The following ADGRB3 variants were observed in gnomAD, a reference collection of about 807,000 sequenced individuals.
ADGRB3 encodes the protein brain-specific angiogenesis inhibitor 3.
In ADGRB3, 37 loss-of-function variants were observed where a neutral mutation model predicts 193.4. The ratio of observed to expected loss-of-function variants is 0.19; its 90% CI spans 0.15 to 0.25. The LOEUF is 0.25. Among genes scored for constraint, ADGRB3 ranks in the 10% least tolerant of loss-of-function variants. The pLI is 1.00. For synonymous variants in ADGRB3, 690 were observed against 644.2 expected, an observed-to-expected ratio of 1.07 and a Z score of -1.08; for missense variants, 1,637 against 1,852.9, an observed-to-expected ratio of 0.88 and a Z score of 2.14.
At chr6:68,947,698 C>T (rs1767810004) in intron 6 of ADGRB3, among the ~76,000 whole-genome samples, 1 of 151,982 alleles carries the variant, frequency 6.6e-6, no homozygotes, top group African/African-American at 2.4e-5. Context: ...AAAATGGGGA[C>T]AATAGTAATA....
chr6:68,729,446 G>A (rs1396564181), intron 3 of ADGRB3, among the ~76,000 whole-genome samples: 1 of 151,626 alleles, frequency 6.6e-6, no homozygotes, highest in Non-Finnish European at 1.5e-5. Context: ...TTGCTGGAGA[G>A]CTTGATGAAT....
chr6:68,862,617 GCTAAGTTT>G, intron 3 of ADGRB3, among the ~76,000 whole-genome samples: 1 of 152,258 alleles, frequency 6.6e-6, no homozygotes, highest in African/African-American at 2.4e-5. Context: ...AATGTCCTTA[GCTAAGTTT>G]ACTTAGTTTT....
chr6:69,386,276 C>T (rs1770067885), intron 31 of ADGRB3, among the ~76,000 whole-genome samples: 2 of 152,160 alleles, frequency 1.3e-5, no homozygotes, highest in Admixed American at 1.3e-4. Flanking sequence ...CATATCTGTT[C>T]CAAACATAAT....
rs574558007 is a variant in ADGRB3, at chr6:68,808,426, C to CT, written c.758-122119dup. On this transcript the variant is annotated intron_variant, in intron 3 of 31. Transcript: ENST00000370598. ...AAAAGCAAACCTCACTTTTCAAGAC[C>CT]TTTTTTTTTTTTTTGCTACCTCTAA... Among the ~76,000 whole-genome samples, 821 of 139,754 alleles carry CT rather than the reference C, an allele frequency of 5.9e-3. 3 individuals carry two copies. Among genetic ancestry groups the CT allele is most frequent in the Non-Finnish European group, 8.9e-3 (567 of 63,574 alleles). 91.7% of individuals were successfully genotyped at this position (139,754 alleles called of 152,430 possible). A position where few individuals can be genotyped will look rare whatever the true frequency, so the allele number is the denominator to read the frequency against.
At chr6:69,269,811 T>A (rs950588756) in intron 20 of ADGRB3, among the ~76,000 whole-genome samples, 2 of 152,186 alleles carry the variant, frequency 1.3e-5, no homozygotes, top group African/African-American at 2.4e-5. Flanking sequence ...TCCTGTATCA[T>A]AATTTCCTTT....
intron 17 of ADGRB3, among the ~76,000 whole-genome samples, chr6:69,138,267 T>C (rs908714492): frequency 6.6e-6 from 1 of 152,166 alleles, no homozygotes; most frequent in Non-Finnish European, 1.5e-5. Flanking sequence ...CAGAAAAATG[T>C]TGTAGGAAGA....
At chr6:69,220,526 G>A (rs554146791) in intron 17 of ADGRB3, among the ~76,000 whole-genome samples, 1 of 152,196 alleles carries the variant, frequency 6.6e-6, no homozygotes, top group South Asian at 2.1e-4. Context: ...CCTAACAAAG[G>A]AGAGAGCAGT....
At chr6:68,946,959 C>A (rs905447015) in intron 6 of ADGRB3, among the ~76,000 whole-genome samples, 1 of 152,076 alleles carries the variant, frequency 6.6e-6, no homozygotes, top group African/African-American at 2.4e-5. Flanking sequence ...AGTCAATGCA[C>A]AACTTCCTCC....
intron 3 of ADGRB3, among the ~76,000 whole-genome samples, chr6:68,760,824 A>G (rs759523248): frequency 2.0e-5 from 3 of 152,242 alleles, no homozygotes; most frequent in African/African-American, 7.2e-5. Flanking sequence ...ACAGGACACT[A>G]TAATAGCAGC....
chr6:69,050,157 T>A (rs1287348107), intron 15 of ADGRB3, among the ~76,000 whole-genome samples: 1 of 152,198 alleles, frequency 6.6e-6, no homozygotes, highest in African/African-American at 2.4e-5. Flanking sequence ...ATATAAATGA[T>A]GTGTGCAGTT....
intron 17 of ADGRB3, among the ~76,000 whole-genome samples, chr6:69,081,967 C>T (rs1012346910): frequency 6.6e-6 from 1 of 152,068 alleles, no homozygotes; most frequent in South Asian, 2.1e-4. Context: ...GTAATTCTCA[C>T]CTTGTCCATC....
At chr6:69,231,632 GTTTAATACTGTTGCAGTTGATAATATAAC>G (rs1222186488) in intron 17 of ADGRB3, among the ~76,000 whole-genome samples, 4 of 152,134 alleles carry the variant, frequency 2.6e-5, no homozygotes, top group Non-Finnish European at 5.9e-5. Flanking sequence ...GAGAATTGGA[GTTTAATACTGTTGCAGTTGATAATATAAC>G]TGCTTTTTTA....
chr6:68,948,648 T>C (rs1767837210), intron 6 of ADGRB3, among the ~76,000 whole-genome samples: 1 of 152,126 alleles, frequency 6.6e-6, no homozygotes, highest in Non-Finnish European at 1.5e-5. Flanking sequence ...TAGTTGAATA[T>C]TAGAGGAGCT....
In ADGRB3 at chr6:69,239,736, AAATTTTTGCTTCACCTAAAGGTATTTTG is replaced by A. The variant is rs1228137605; in HGVS notation, c.2814+512_2814+539del. The stretch of plus-strand genomic sequence containing the variant: ...GCTACTTTAGATTTTATGCCTTTCA[AAATTTTTGCTTCACCTAAAGGTATTTTG>A]ATACTTAGCAGAATGGAAAAGTGTA... On this transcript the variant is annotated intron_variant, in intron 20 of 31. Transcript: ENST00000370598. Among the ~76,000 whole-genome samples, 13 of 152,180 alleles carry A rather than the reference AAATTTTTGCTTCACCTAAAGGTATTTTG, an allele frequency of 8.5e-5. No homozygotes were observed. The East Asian group carries it at 2.5e-3, about 29-fold the overall frequency.
At chr6:68,877,371 AGAATTTAG>A (rs935225562) in intron 3 of ADGRB3, among the ~76,000 whole-genome samples, 4 of 138,882 alleles carry the variant, frequency 2.9e-5, no homozygotes, top group Admixed American at 1.5e-4. Flanking sequence ...TTCAAAATAA[AGAATTTAG>A]GATTTTTTTT....
chr6:68,967,434 C>T (rs542804929), intron 8 of ADGRB3, among the ~76,000 whole-genome samples: 40 of 151,982 alleles, frequency 2.6e-4, no homozygotes, highest in African/African-American at 8.7e-4. Flanking sequence ...AAAAAATGGT[C>T]CTATAGGATC....
intron 17 of ADGRB3, among the ~76,000 whole-genome samples, chr6:69,144,574 G>A (rs1163179812): frequency 6.6e-6 from 1 of 152,048 alleles, no homozygotes; most frequent in African/African-American, 2.4e-5. Context: ...TTATGTTGAG[G>A]TATGTTCCTT....
At chr6:69,317,621 A>G (rs1454538417) in intron 20 of ADGRB3, among the ~76,000 whole-genome samples, 1 of 151,476 alleles carries the variant, frequency 6.6e-6, no homozygotes, top group African/African-American at 2.4e-5. Context: ...TATTACAAAC[A>G]ACATTTCTAT....
At chr6:69,252,552 G>T (rs575540874) in intron 20 of ADGRB3, among the ~76,000 whole-genome samples, 1 of 152,002 alleles carries the variant, frequency 6.6e-6, no homozygotes, top group African/African-American at 2.4e-5. Context: ...GATAATTCCA[G>T]TGTTACATAT....
Sources: gnomAD v4.1 joint callset for allele counts (sites outside exome capture counted in the v4.1 genomes callset) on GRCh38, gnomAD v4.1.1 for gene constraint, MANE v1.5 for transcripts, NCBI Gene and HGNC (gene_info 2026-07-23, HGNC 2026-07-21) for gene names.